Variants in EHBP1 observed in about 807,000 individuals in gnomAD.
EHBP1 encodes EH domain binding protein 1, also known as EH domain-binding protein 1.
EHBP1 carries 55 observed loss-of-function variants against 144.0 expected under a neutral mutation model. The ratio of observed to expected loss-of-function variants is 0.38; its 90% CI spans 0.31 to 0.48. EHBP1 has a LOEUF of 0.48. Ranked by LOEUF, EHBP1 falls within the 20% of genes least tolerant of loss-of-function variation. The probability of loss-of-function intolerance (pLI) is 0.98; values close to 1 mark genes in which losing one functional copy is unlikely to be tolerated. For synonymous variants in EHBP1, 469 were observed against 472.7 expected (o/e 0.99, Z 0.10); for missense variants, 1,200 against 1,364.2 (o/e 0.88, Z 1.90).
rs369882401 is a variant in EHBP1 at position 62,864,908 on chromosome 2, C to T, written c.935C>T (p.Pro312Leu). The T allele has an allele frequency of 6.2e-7, 1 of 1,613,806 alleles. No homozygotes were observed. The highest frequency in any genetic ancestry group is 1.3e-5 in the African/African-American group (1 of 74,906). ...TCTACAAAAAGAAAAAATATAAGAC[C>T]TGTGGATATGAGCAAGTACCTCTAT... ...PQSTKRKNIR[P>L]VDMSKYLYAD... Residue 312 changes from proline to leucine, a missense_variant, in exon 9 of 23, where the codon CCT becomes CTT. Transcript: ENST00000431489.
intron 2 of EHBP1, 45 bp from the exon 3 acceptor site, chr2:62,747,350 A>G (rs767291178): frequency 5.7e-6 from 9 of 1,573,986 alleles, no homozygotes; most frequent in Non-Finnish European, 7.8e-6. Flanking sequence ...ATGAAACTTT[A>G]TTTATTTAAG....
chr2:62,927,932 A>C (rs1391156093), intron 10 of EHBP1, among the ~76,000 whole-genome samples: 1 of 152,256 alleles, frequency 6.6e-6, no homozygotes, highest in Non-Finnish European at 1.5e-5. Flanking sequence ...GTTAGAAATC[A>C]ATAACAGATG....
At chr2:62,983,929 A>G (rs1045207869) in intron 15 of EHBP1, among the ~76,000 whole-genome samples, 1 of 152,208 alleles carries the variant, frequency 6.6e-6, no homozygotes, top group Non-Finnish European at 1.5e-5. Context: ...TGCCCATGAG[A>G]ATGTCTGCAT....
chr2:63,007,121 C>G (rs2060070726), intron 19 of EHBP1, among the ~76,000 whole-genome samples: 2 of 151,826 alleles, frequency 1.3e-5, no homozygotes, highest in Admixed American at 1.3e-4. Context: ...GCATACACTT[C>G]TTGACCTCCA....
Position 62,764,323 on chromosome 2 carries a change from G to C in EHBP1, c.220G>C (p.Val74Leu), listed in dbSNP as rs140184637. ...NPYRGVVVWP[V>L]PENIEITVTL... ...CTATCGTGGTGTTGTTGTGTGGCCTGTTCCTGAAAACATTGAAATCACTGT... is the reference window on the plus strand; with the variant it reads ...CTATCGTGGTGTTGTTGTGTGGCCTCTTCCTGAAAACATTGAAATCACTGT... Residue 74 changes from valine to leucine, a missense_variant, in exon 4 of 23, where the codon GTT becomes CTT. Val to Leu is a conservative substitution (Grantham distance 32). Coordinates refer to ENST00000431489, the MANE Select transcript of EHBP1 (RefSeq NM_001142616.3). The C allele has an allele frequency of 6.3e-7, 1 of 1,586,684 alleles. No homozygotes were observed. The highest frequency in any genetic ancestry group is 1.8e-5 in the Admixed American group (1 of 54,922).
intron 10 of EHBP1, among the ~76,000 whole-genome samples, chr2:62,886,720 T>A (rs924566970): frequency 2.0e-5 from 3 of 152,224 alleles, no homozygotes; most frequent in African/African-American, 4.8e-5. Flanking sequence ...ACCTTTTTAA[T>A]GATGATTTAG....
chr2:62,836,050 A>G (rs1394166130), intron 7 of EHBP1, among the ~76,000 whole-genome samples: 1 of 152,066 alleles, frequency 6.6e-6, no homozygotes, highest in Non-Finnish European at 1.5e-5. Flanking sequence ...GGCACAGACA[A>G]ACAAAAAGAC....
At chr2:62,866,667 A>G (rs1244197274) in intron 9 of EHBP1, among the ~76,000 whole-genome samples, 1 of 152,150 alleles carries the variant, frequency 6.6e-6, no homozygotes, top group Non-Finnish European at 1.5e-5. Context: ...TAACCTAAAG[A>G]CATAGCAATA....
At chr2:62,854,026 T>G (rs1434308403) in intron 7 of EHBP1, among the ~76,000 whole-genome samples, 1 of 152,250 alleles carries the variant, frequency 6.6e-6, no homozygotes, top group Non-Finnish European at 1.5e-5. Context: ...GCATCATTTT[T>G]AAGGGCCCTA....
chr2:62,975,439 C>T (rs1277821509), intron 14 of EHBP1, among the ~76,000 whole-genome samples: 1 of 152,198 alleles, frequency 6.6e-6, no homozygotes, highest in African/African-American at 2.4e-5. Flanking sequence ...TTGTGGCCAT[C>T]TTTGGAAAAT....
At chr2:62,742,290 A>C (rs1263829319) in intron 2 of EHBP1, among the ~76,000 whole-genome samples, 1 of 152,114 alleles carries the variant, frequency 6.6e-6, no homozygotes, top group East Asian at 1.9e-4. Context: ...ATACTGCATC[A>C]TTTTATATAA....
chr2:62,692,317 A>G (rs1402506652), intron 1 of EHBP1, among the ~76,000 whole-genome samples: 1 of 152,216 alleles, frequency 6.6e-6, no homozygotes, highest in African/African-American at 2.4e-5. Context: ...TTTGATTATT[A>G]TGAATAAAGC....
intron 1 of EHBP1, among the ~76,000 whole-genome samples, chr2:62,676,127 G>T (rs1310770030): frequency 2.4e-5 from 2 of 84,804 alleles, no homozygotes; most frequent in African/African-American, 1.2e-4. Context: ...CAAAAAGCAT[G>T]GTTATGAATC....
intron 19 of EHBP1, among the ~76,000 whole-genome samples, chr2:63,011,644 T>TA (rs201064751): frequency 0.012 from 1,750 of 152,040 alleles, 11 homozygotes; most frequent in Non-Finnish European, 0.018. Context: ...AGATAGAAAA[T>TA]ATATTTTAAA....
intron 7 of EHBP1, among the ~76,000 whole-genome samples, chr2:62,849,154 A>G (rs975878468): frequency 1.3e-5 from 2 of 151,976 alleles, no homozygotes; most frequent in Admixed American, 6.6e-5. Context: ...GTAACTTCCA[A>G]AACTAAGTTG....
intron 1 of EHBP1, among the ~76,000 whole-genome samples, chr2:62,684,292 T>C (rs1257945116): frequency 1.3e-5 from 2 of 151,362 alleles, no homozygotes; most frequent in African/African-American, 4.9e-5. Flanking sequence ...AGAGGTAGAC[T>C]CCTTTCTGAG....
intron 10 of EHBP1, among the ~76,000 whole-genome samples, chr2:62,924,973 C>T (rs530605055): frequency 2.6e-4 from 39 of 152,174 alleles, no homozygotes; most frequent in African/African-American, 6.5e-4. Context: ...ACAAATTGAG[C>T]GCAACAGTGC....
chr2:63,018,661 GA>G (rs2060581034), intron 19 of EHBP1, among the ~76,000 whole-genome samples: 1 of 152,040 alleles, frequency 6.6e-6, no homozygotes. Flanking sequence ...CATTTATCCA[GA>G]AAAACAAATG....
intron 3 of EHBP1, among the ~76,000 whole-genome samples, chr2:62,763,176 C>A (rs1240123332): frequency 6.6e-6 from 1 of 152,100 alleles, no homozygotes; most frequent in East Asian, 1.9e-4. Context: ...TCTAAGCACC[C>A]TATTGAAAAA....
Sources: allele counts gnomAD v4.1 joint callset (sites outside exome capture counted in the v4.1 genomes callset), GRCh38; gene constraint gnomAD v4.1.1; transcripts MANE v1.5; gene names NCBI Gene and HGNC (gene_info 2026-07-23, HGNC 2026-07-21).